The following PIEZO2 variants were observed in gnomAD, a reference collection of about 807,000 sequenced individuals.
PIEZO2 encodes piezo-type mechanosensitive ion channel component 2.
In PIEZO2, 172 loss-of-function variants were observed where a neutral mutation model predicts 337.3. That is an observed-to-expected ratio of 0.51 (90% CI 0.45 to 0.58). The LOEUF (loss-of-function observed/expected upper bound fraction) is 0.58, where lower values mean the gene tolerates loss of function less well. Among genes scored for constraint, PIEZO2 ranks in the 20% least tolerant of loss-of-function variants. The probability of loss-of-function intolerance (pLI) is 0.00; values close to 1 mark genes in which losing one functional copy is unlikely to be tolerated. For missense variants in PIEZO2, 3,028 were observed against 3,391.3 expected (o/e 0.89, Z 2.66); for synonymous variants, 1,251 against 1,228.5 (o/e 1.02, Z -0.38).
intron 48 of PIEZO2, 26 bp from the exon 49 acceptor site, chr18:10,689,828 G>C: frequency 6.3e-7 from 1 of 1,584,722 alleles, no homozygotes; most frequent in Non-Finnish European, 8.6e-7. Context: ...TCTCGTCAGA[G>C]AGACATTCGT....
chr18:10,802,403 T>C (rs530714821), intron 9 of PIEZO2, among the ~76,000 whole-genome samples: 10 of 152,176 alleles, frequency 6.6e-5, no homozygotes, highest in Non-Finnish European at 1.5e-4. Context: ...CAGGTAGTCT[T>C]AAAATACTTA....
chr18:10,868,735 T>G lies in PIEZO2; in HGVS notation c.492+2518A>C, dbSNP rs372500351. Among the ~76,000 whole-genome samples, 28 of 152,296 alleles carry G rather than the reference T, an allele frequency of 1.8e-4. No homozygotes were observed. The South Asian group carries it at 4.8e-3, about 26-fold the overall frequency. ...CTAAATCTATCTCTGAAAATTGAAATCAGGAAGAAAATGTGACTTTAGAAT... is the reference window on the plus strand; with the variant it reads ...CTAAATCTATCTCTGAAAATTGAAAGCAGGAAGAAAATGTGACTTTAGAAT... On this transcript the variant is annotated intron_variant, in intron 5 of 55. Coordinates refer to ENST00000674853, the MANE Select transcript of PIEZO2 (RefSeq NM_001378183.1).
chr18:10,783,147 A>AT lies in PIEZO2; in HGVS notation c.2492+1636dup, dbSNP rs1193342779. Among the ~76,000 whole-genome samples the AT allele has an allele frequency of 2.9e-4, 44 of 151,652 alleles. No homozygotes were observed. The highest frequency in any genetic ancestry group is 1.6e-3 in the Admixed American group (25 of 15,222). On this transcript the variant is annotated intron_variant, in intron 17 of 55. Transcript: ENST00000674853. The surrounding 1 kb of genome is among the most constrained non-coding windows in gnomAD (Gnocchi z 4.3). The stretch of plus-strand genomic sequence containing the variant: ...AAATGGCATTTGGAAGAAAAAAAAG[A>AT]TTTTTTTTTAAAAAAGATTTCACTA...
intron 7 of PIEZO2, among the ~76,000 whole-genome samples, chr18:10,814,351 C>T (rs2040297489): frequency 6.6e-6 from 1 of 152,068 alleles, no homozygotes; most frequent in African/African-American, 2.4e-5. Flanking sequence ...TTTAGGAAGC[C>T]AGGAAATATA....
At chr18:10,737,733 G>A (rs1598417821) in intron 33 of PIEZO2, 1 of 152,194 alleles carries the variant, frequency 6.6e-6, no homozygotes, top group Non-Finnish European at 1.5e-5. Flanking sequence ...CCAGAGAAAA[G>A]AGGCCCAACA....
chr18:11,017,519 C>A (rs1397754603), intron 2 of PIEZO2, among the ~76,000 whole-genome samples: 1 of 140,728 alleles, frequency 7.1e-6, no homozygotes, highest in African/African-American at 2.7e-5. Flanking sequence ...AATATAATTT[C>A]TAACATAATA....
In PIEZO2 at chr18:10,821,057, T is replaced by A. The variant is rs774910607; in HGVS notation, c.918-13783A>T. Among the ~76,000 whole-genome samples the A allele has an allele frequency of 1.1e-4, 17 of 152,232 alleles. No individual in the cohort carries two copies. In the South Asian group the frequency reaches 1.7e-3, roughly 15 times the overall value. Reference sequence around the variant, plus strand: ...TTAGAATTCAGCTAAAGTGTCTAGATGACTCCTTGAAGATCTCTGGAGCTC... The same window carrying A: ...TTAGAATTCAGCTAAAGTGTCTAGAAGACTCCTTGAAGATCTCTGGAGCTC... On this transcript the variant is annotated intron_variant, in intron 7 of 55. Coordinates refer to ENST00000674853, the MANE Select transcript of PIEZO2 (RefSeq NM_001378183.1). This position sits in a 1 kb window ranked among gnomAD's most constrained non-coding sequence, Gnocchi z 4.2.
chr18:10,731,334 C>G, intron 36 of PIEZO2, 73 bp downstream of exon 36: 1 of 1,009,662 alleles, frequency 9.9e-7, no homozygotes, highest in East Asian at 2.8e-5. Context: ...AGTTTCTGTC[C>G]TTTGCAGACA....
At chr18:10,779,493 A>C (rs1337436688) in intron 18 of PIEZO2, among the ~76,000 whole-genome samples, 1 of 152,166 alleles carries the variant, frequency 6.6e-6, no homozygotes, top group African/African-American at 2.4e-5. Context: ...TTTTGTGTGG[A>C]CATTATATGT....
chr18:10,840,941 G>C (rs1185924313), intron 7 of PIEZO2, among the ~76,000 whole-genome samples: 1 of 152,204 alleles, frequency 6.6e-6, no homozygotes, highest in Non-Finnish European at 1.5e-5. Context: ...ACACTAGTTA[G>C]ATGTGGGATA....
rs752023399 is a variant in PIEZO2 at position 10,762,556 on chromosome 18, C to A, written c.3193G>T (p.Asp1065Tyr). 2.0e-6 allele frequency: 3 copies of A among 1,537,136 alleles called. No homozygotes were observed. Among genetic ancestry groups the A allele is most frequent in the Non-Finnish European group, 2.6e-6 (3 of 1,146,930 alleles). ...NKSLLYSAPI[D>Y]PTEWVGLRKS... ...CGCAGGCCGACCCACTCTGTAGGAT[C>A]GATAGGAGCGCTGTAGAGCAGAGAC... The change falls in exon 23 of 56, where the codon GAT becomes TAT. Residue 1065 changes from aspartate to tyrosine, a missense_variant. Asp to Tyr is a radical substitution (Grantham distance 160). Transcript: ENST00000674853.
Position 10,721,479 on chromosome 18 carries a change from C to G in PIEZO2, c.5030-3220G>C, listed in dbSNP as rs146612612. Among the ~76,000 whole-genome samples the G allele has an allele frequency of 1.4e-3, 211 of 152,112 alleles. 2 individuals are homozygous for G. Among genetic ancestry groups the G allele is most frequent in the African/African-American group, 4.8e-3 (201 of 41,462 alleles). ...TGCACAATAAATAATCTTTATGACA[C>G]AGAGCAAGGAGCTATTTTCAAGATG... On this transcript the variant is annotated intron_variant, in intron 36 of 55. Transcript: ENST00000674853.
At position 10,872,468 on chromosome 18, in the gene PIEZO2, T is replaced by C. The variant is rs1190143058; in HGVS notation, c.330-1053A>G. 6.6e-6 allele frequency among the ~76,000 whole-genome samples: 1 copy of C among 152,176 alleles called. No homozygotes were observed. Among genetic ancestry groups the C allele is most frequent in the Non-Finnish European group, 1.5e-5 (1 of 68,032 alleles). ...GCAGTATACTGAGTTGCCAGCATAGTTGGCCAGCACACATCACCTCAGCTG... is the reference window on the plus strand; with the variant it reads ...GCAGTATACTGAGTTGCCAGCATAGCTGGCCAGCACACATCACCTCAGCTG... On this transcript the variant is annotated intron_variant, in intron 4 of 55. Coordinates refer to ENST00000674853, the MANE Select transcript of PIEZO2 (RefSeq NM_001378183.1). This position sits in a 1 kb window ranked among gnomAD's most constrained non-coding sequence, Gnocchi z 4.3.
chr18:11,033,612 T>C lies in PIEZO2; in HGVS notation c.160+32515A>G, dbSNP rs1312980813. ...TGAATGTCAAAATACTGCATTTCACTGAAAAAAGCTAGTCTGAAAACATAA... is the reference window on the plus strand; with the variant it reads ...TGAATGTCAAAATACTGCATTTCACCGAAAAAAGCTAGTCTGAAAACATAA... On this transcript the variant is annotated intron_variant, in intron 2 of 55. Transcript: ENST00000674853. The surrounding 1 kb of genome is among the most constrained non-coding windows in gnomAD (Gnocchi z 4.2). Among the ~76,000 whole-genome samples, 1 of 152,174 alleles carries C rather than the reference T, an allele frequency of 6.6e-6. No homozygotes were observed. Among genetic ancestry groups the C allele is most frequent in the East Asian group, 1.9e-4 (1 of 5,190 alleles).
chr18:10,732,184 G>T (rs552258020), intron 35 of PIEZO2, among the ~76,000 whole-genome samples: 2 of 152,284 alleles, frequency 1.3e-5, no homozygotes, highest in East Asian at 3.9e-4. Context: ...AACCAGGAAA[G>T]AGCAATTGTG....
chr18:10,974,105 G>A (rs2040641652), intron 3 of PIEZO2, among the ~76,000 whole-genome samples: 1 of 152,188 alleles, frequency 6.6e-6, no homozygotes, highest in South Asian at 2.1e-4. Context: ...TCACTCTGTA[G>A]TCCTCCCCAC....
intron 36 of PIEZO2, among the ~76,000 whole-genome samples, chr18:10,722,783 T>C (rs988458652): frequency 1.3e-5 from 2 of 152,086 alleles, no homozygotes; most frequent in East Asian, 1.9e-4. Flanking sequence ...CGAGAGTGGA[T>C]GAGAACACCT....
intron 1 of PIEZO2, among the ~76,000 whole-genome samples, chr18:11,145,716 T>G (rs902925990): frequency 6.6e-6 from 1 of 152,210 alleles, no homozygotes; most frequent in Non-Finnish European, 1.5e-5. Context: ...AAGAATCAAA[T>G]GCTCAAATAA....
chr18:10,911,611 C>T (rs2030482467), intron 3 of PIEZO2, among the ~76,000 whole-genome samples: 1 of 152,002 alleles, frequency 6.6e-6, no homozygotes, highest in African/African-American at 2.4e-5. Context: ...AAAAATTAGC[C>T]GGGCATGGTG....
Sources: gnomAD v4.1 joint callset for allele counts (sites outside exome capture counted in the v4.1 genomes callset) on GRCh38, gnomAD v4.1.1 for gene constraint, Gnocchi (gnomAD v3.1) non-coding constraint, MANE v1.5 for transcripts, NCBI Gene and HGNC (gene_info 2026-07-23, HGNC 2026-07-21) for gene names.